Variants in ARHGAP26 observed in about 807,000 individuals in gnomAD.
ARHGAP26 encodes the protein Rho GTPase activating protein 26.
Under a neutral mutation model 104.8 loss-of-function variants are expected in ARHGAP26, and 38 were observed. The ratio of observed to expected loss-of-function variants is 0.36; its 90% CI spans 0.28 to 0.48. The LOEUF (loss-of-function observed/expected upper bound fraction) is 0.48, where lower values mean the gene tolerates loss of function less well. Among genes scored for constraint, ARHGAP26 ranks in the 20% least tolerant of loss-of-function variants. The pLI is 0.99. For synonymous variants in ARHGAP26, 341 were observed against 340.0 expected (o/e 1.00, Z -0.03); for missense variants, 704 against 947.9 (o/e 0.74, Z 3.38).
At chr5:142,802,448 G>C (rs1427063341) in intron 1 of ARHGAP26, among the ~76,000 whole-genome samples, 4 of 152,160 alleles carry the variant, frequency 2.6e-5, no homozygotes, top group African/African-American at 9.7e-5. Flanking sequence ...GGAAACTGTG[G>C]CTTTAAGTAA....
At chr5:143,120,827 G>A (rs1796043470) in intron 17 of ARHGAP26, among the ~76,000 whole-genome samples, 161 bp from the exon 18 acceptor site, 2 of 152,218 alleles carry the variant, frequency 1.3e-5, no homozygotes, top group Non-Finnish European at 2.9e-5. Context: ...TTTCTGAAAT[G>A]TGGTAGATTT....
At chr5:142,857,478 T>C (rs1752550288) in intron 1 of ARHGAP26, among the ~76,000 whole-genome samples, 1 of 152,162 alleles carries the variant, frequency 6.6e-6, no homozygotes, top group South Asian at 2.1e-4. Context: ...AGAGAAGCTG[T>C]GTGACTGAGA....
chr5:143,044,700 A>G (rs979379633), intron 14 of ARHGAP26, among the ~76,000 whole-genome samples: 3 of 152,136 alleles, frequency 2.0e-5, no homozygotes, highest in Non-Finnish European at 4.4e-5. Flanking sequence ...TAGCTTTTTT[A>G]AAAAAGTATA....
rs904699911 is a variant in ARHGAP26, at chr5:143,073,324, T to C, written c.1538+15577T>C. Among the ~76,000 whole-genome samples, 10 of 152,322 alleles carry C rather than the reference T, an allele frequency of 6.6e-5. No homozygotes were observed. The East Asian group carries it at 1.2e-3, about 18-fold the overall frequency. Reference sequence around the variant, plus strand: ...AGGCTGTCCTTGTATCCCTGTGTTCTTTGGGATTTGACAGCTTGTTGAAAA... The same window carrying C: ...AGGCTGTCCTTGTATCCCTGTGTTCCTTGGGATTTGACAGCTTGTTGAAAA... On this transcript the variant is annotated intron_variant, in intron 17 of 22. Transcript: ENST00000645722.
At chr5:143,204,870 G>T (rs1808321079) in intron 20 of ARHGAP26, among the ~76,000 whole-genome samples, 1 of 152,116 alleles carries the variant, frequency 6.6e-6, no homozygotes, top group Admixed American at 6.5e-5. Flanking sequence ...CAAAAGAACA[G>T]ATTGGTACAA....
intron 11 of ARHGAP26, among the ~76,000 whole-genome samples, chr5:143,012,576 T>TATATATATATATATACA (rs1554195628): frequency 1.2e-4 from 7 of 57,034 alleles, no homozygotes; most frequent in Non-Finnish European, 3.7e-4. Context: ...TATATATATA[T>TATATATATATATATACA]TATGATCAGG....
chr5:143,141,205 ATGCTGTGGAAAGC>A (rs1798485441), intron 19 of ARHGAP26, among the ~76,000 whole-genome samples: 1 of 152,258 alleles, frequency 6.6e-6, no homozygotes, highest in African/African-American at 2.4e-5. Context: ...TTAAAAAATG[ATGCTGTGGAAAGC>A]TGGTGGCAGG....
intron 19 of ARHGAP26, among the ~76,000 whole-genome samples, chr5:143,136,337 A>T (rs1280883688): frequency 6.6e-6 from 1 of 152,210 alleles, no homozygotes; most frequent in Non-Finnish European, 1.5e-5. Flanking sequence ...TGCAGATGGT[A>T]GACAGGGGAT....
At chr5:143,067,818 A>G (rs1327948951) in intron 17 of ARHGAP26, among the ~76,000 whole-genome samples, 1 of 152,202 alleles carries the variant, frequency 6.6e-6, no homozygotes, top group Non-Finnish European at 1.5e-5. Context: ...ATCAGTTTGT[A>G]TATTAGTTCT....
At chr5:143,034,017 T>C (rs886971564) in intron 12 of ARHGAP26, among the ~76,000 whole-genome samples, 8 of 152,172 alleles carry the variant, frequency 5.3e-5, no homozygotes, top group African/African-American at 1.9e-4. Flanking sequence ...ACATTATTAG[T>C]CATTAGGGAA....
At chr5:142,791,104 G>A (rs930436772) in intron 1 of ARHGAP26, among the ~76,000 whole-genome samples, 2 of 144,858 alleles carry the variant, frequency 1.4e-5, no homozygotes, top group African/African-American at 5.5e-5. Flanking sequence ...TTTTGAGACA[G>A]AGTCTCGCTC....
chr5:142,869,709 C>T (rs1218313812), intron 1 of ARHGAP26, among the ~76,000 whole-genome samples: 1 of 152,166 alleles, frequency 6.6e-6, no homozygotes, highest in African/African-American at 2.4e-5. Flanking sequence ...ACTGGTACAA[C>T]TTGTATAAAA....
intron 11 of ARHGAP26, among the ~76,000 whole-genome samples, chr5:142,974,811 T>C (rs1319981329): frequency 2.0e-5 from 3 of 152,226 alleles, no homozygotes; most frequent in Non-Finnish European, 4.4e-5. Flanking sequence ...TGTGAATAGT[T>C]TCCCCTTTTG....
chr5:143,097,347 G>A lies in ARHGAP26; in HGVS notation c.1539-23641G>A, dbSNP rs111531002. Among the ~76,000 whole-genome samples, 671 of 105,852 alleles carry A rather than the reference G, an allele frequency of 6.3e-3. 4 individuals are homozygous for A. Among genetic ancestry groups the A allele is most frequent in the African/African-American group, 0.025 (624 of 25,464 alleles). 69.4% of individuals were successfully genotyped at this position (105,852 alleles called of 152,430 possible). On this transcript the variant is annotated intron_variant, in intron 17 of 22. Transcript: ENST00000645722. Reference sequence around the variant, plus strand: ...AGCCTGGGCAACAGAGAGAGACTCCGTCTCAAAAAAAAGAAAAAAAAAAAA... The same window carrying A: ...AGCCTGGGCAACAGAGAGAGACTCCATCTCAAAAAAAAGAAAAAAAAAAAA...
chr5:142,799,801 C>T (rs548119571), intron 1 of ARHGAP26, among the ~76,000 whole-genome samples: 2 of 152,340 alleles, frequency 1.3e-5, no homozygotes, highest in African/African-American at 4.8e-5. Context: ...ATGATTACAG[C>T]ATTGATTCAT....
chr5:142,885,487 C>G, intron 5 of ARHGAP26, 88 bp downstream of exon 5: 1 of 1,241,202 alleles, frequency 8.1e-7, no homozygotes, highest in Non-Finnish European at 1.1e-6. Flanking sequence ...GCTAGAAAAT[C>G]TTAGGGTTAG....
At chr5:142,823,701 C>T (rs1197462461) in intron 1 of ARHGAP26, among the ~76,000 whole-genome samples, 1 of 152,142 alleles carries the variant, frequency 6.6e-6, no homozygotes, top group African/African-American at 2.4e-5. Flanking sequence ...TGCTAAAAAT[C>T]AGTGTCCTGC....
intron 6 of ARHGAP26, among the ~76,000 whole-genome samples, chr5:142,898,566 C>G (rs902423516): frequency 1.3e-5 from 2 of 152,194 alleles, no homozygotes; most frequent in Admixed American, 6.5e-5. Context: ...TGGGCCTCCC[C>G]GTTCTCCAGT....
At position 142,884,108 on chromosome 5, in the gene ARHGAP26, G is replaced by A. The variant is rs542927311; in HGVS notation, c.385-1190G>A. ...AAAGCAGGAATAATGTACCCAATTA[G>A]CAAATTTGATCCCGTTTATCAGCCA... On this transcript the variant is annotated intron_variant, in intron 4 of 22. Coordinates refer to ENST00000645722, the MANE Select transcript of ARHGAP26 (RefSeq NM_001135608.3). Among the ~76,000 whole-genome samples the A allele has an allele frequency of 2.6e-5, 4 of 152,306 alleles. No individual in the cohort carries two copies. In the East Asian group the frequency reaches 7.7e-4, roughly 29 times the overall value.
Sources: gnomAD v4.1 joint callset for allele counts (sites outside exome capture counted in the v4.1 genomes callset) on GRCh38, gnomAD v4.1.1 for gene constraint, MANE v1.5 for transcripts, NCBI Gene and HGNC (gene_info 2026-07-23, HGNC 2026-07-21) for gene names.